SLC27A6: variants seen among roughly 807,000 people sequenced by gnomAD.
The protein encoded by SLC27A6 is long-chain fatty acid transport protein 6.
SLC27A6 carries 74 observed loss-of-function variants against 63.9 expected under a neutral mutation model. That is an observed-to-expected ratio of 1.16 (90% CI 0.96 to 1.40). The LOEUF (loss-of-function observed/expected upper bound fraction) is 1.40, where lower values mean the gene tolerates loss of function less well. Among genes scored for constraint, SLC27A6 ranks in the 40% most tolerant of loss-of-function variants. SLC27A6 has a pLI of 0.00. For synonymous variants in SLC27A6, 287 were observed against 260.8 expected, an observed-to-expected ratio of 1.10 and a Z score of -0.97; for missense variants, 794 against 732.9, an observed-to-expected ratio of 1.08 and a Z score of -0.96.
At chr5:128,977,647 G>A (rs1447241447) in intron 1 of SLC27A6, among the ~76,000 whole-genome samples, 1 of 152,142 alleles carries the variant, frequency 6.6e-6, no homozygotes, top group Non-Finnish European at 1.5e-5. Flanking sequence ...AGCTTGAGTA[G>A]AGTATTTGCC....
intron 4 of SLC27A6, among the ~76,000 whole-genome samples, chr5:129,003,138 A>G (rs1020216130): frequency 2.0e-5 from 3 of 152,102 alleles, no homozygotes; most frequent in African/African-American, 4.8e-5. Context: ...TGCACGAGAG[A>G]GAGAGAGAGC....
At chr5:129,026,186 T>G (rs1752239756) in intron 6 of SLC27A6, among the ~76,000 whole-genome samples, 1 of 152,094 alleles carries the variant, frequency 6.6e-6, no homozygotes, top group African/African-American at 2.4e-5. Flanking sequence ...TTTGCTGGAC[T>G]CCAACTTCAT....
intron 4 of SLC27A6, among the ~76,000 whole-genome samples, chr5:129,003,959 C>A (rs1222324975): frequency 2.8e-5 from 4 of 142,240 alleles, no homozygotes; most frequent in African/African-American, 1.1e-4. Flanking sequence ...CACAGTGAGA[C>A]CCTGTCTCAA....
In SLC27A6 at chr5:129,027,116, G is replaced by A. The variant is rs1326830194; in HGVS notation, c.1256-17G>A. On this transcript the variant is annotated splice_polypyrimidine_tract_variant and intron_variant, in intron 6 of 9. Coordinates refer to ENST00000262462, the MANE Select transcript of SLC27A6 (RefSeq NM_001017372.3). ...GTTTTAATCAGATGGCTGCAAAAAT[G>A]TCGTTCTTTCTTGCAGGAGAACCTG... is the stretch of plus-strand genomic sequence containing the variant. 3 of 1,606,570 alleles carry A rather than the reference G, an allele frequency of 1.9e-6. No individual in the cohort carries two copies. Among genetic ancestry groups the A allele is most frequent in the East Asian group, 2.2e-5 (1 of 44,798 alleles).
intron 1 of SLC27A6, among the ~76,000 whole-genome samples, chr5:128,975,208 G>A (rs1750335555): frequency 6.6e-6 from 1 of 152,140 alleles, no homozygotes; most frequent in Admixed American, 6.6e-5. Context: ...AAAATTAGCC[G>A]AGTGTGGTGG....
rs555649472 is a variant in SLC27A6 at position 129,003,763 on chromosome 5, G to C, written c.970-12122G>C. On this transcript the variant is annotated intron_variant, in intron 4 of 9. Coordinates refer to ENST00000262462, the MANE Select transcript of SLC27A6 (RefSeq NM_001017372.3). ...GGCAGGAGGATTGCTTGAGCCCAGG[G>C]GTTCAAGACCAGCCTATGCAACATA... 1.6e-3 allele frequency among the ~76,000 whole-genome samples: 243 copies of C among 151,452 alleles called. 1 individual carries two copies. The highest frequency in any genetic ancestry group is 4.8e-3 in the South Asian group (23 of 4,790).
chr5:128,985,005 T>C, intron 1 of SLC27A6, 128 bp from the exon 2 acceptor site: 1 of 669,042 alleles, frequency 1.5e-6, no homozygotes, highest in Non-Finnish European at 2.5e-6. Flanking sequence ...ATATTACTTA[T>C]CCAACATAAG....
Position 129,033,097 on chromosome 5 carries a change from G to A in SLC27A6, c.1684-9G>A. The A allele has an allele frequency of 1.9e-6, 3 of 1,595,684 alleles. No homozygotes were observed. The highest frequency in any genetic ancestry group is 2.6e-6 in the Non-Finnish European group (3 of 1,169,204). On this transcript the variant is annotated splice_polypyrimidine_tract_variant and intron_variant, in intron 9 of 9. Transcript: ENST00000262462. Reference sequence around the variant, plus strand: ...AATGATTCTACTCATCCTGGTAATTGCTTTACAGGAAAAAATGGAAGCAAC... The same window carrying A: ...AATGATTCTACTCATCCTGGTAATTACTTTACAGGAAAAAATGGAAGCAAC...
rs376922823 is a variant in SLC27A6, at chr5:128,965,809, G to C, written c.-329G>C. On this transcript the variant is annotated 5_prime_UTR_variant, in exon 1 of 10. Transcript: ENST00000262462. Reference sequence around the variant, plus strand: ...CGGGCCGCTGTCGCGGTTGGGAGGCGAGGGCGCAGCGCTGGGGTTGTAGAT... The same window carrying C: ...CGGGCCGCTGTCGCGGTTGGGAGGCCAGGGCGCAGCGCTGGGGTTGTAGAT... The C allele has an allele frequency of 4.8e-4, 112 of 233,020 alleles. No individual in the cohort carries two copies. The highest frequency in any genetic ancestry group is 2.2e-3 in the African/African-American group (97 of 44,532). The allele number at this position is 233,020 out of a possible 1,614,324, so 14.4% of individuals were successfully genotyped here.
At chr5:128,997,967 A>T (rs543760249) in intron 4 of SLC27A6, among the ~76,000 whole-genome samples, 1 of 152,238 alleles carries the variant, frequency 6.6e-6, no homozygotes, top group South Asian at 2.1e-4. Context: ...AGGAAGCCGA[A>T]TACAAATGGA....
chr5:129,010,669 G>A (rs2150147210), intron 4 of SLC27A6, among the ~76,000 whole-genome samples: 1 of 152,206 alleles, frequency 6.6e-6, no homozygotes, highest in Middle Eastern at 3.4e-3. Flanking sequence ...AGAAAAGAGA[G>A]TCTTAGTCCT....
intron 8 of SLC27A6, among the ~76,000 whole-genome samples, chr5:129,029,331 A>C (rs1401220698): frequency 6.6e-6 from 1 of 152,056 alleles, no homozygotes; most frequent in African/African-American, 2.4e-5. Context: ...AGTGTTTCCC[A>C]TTCCATGTAT....
At chr5:128,994,607 C>T (rs1751091885) in intron 4 of SLC27A6, among the ~76,000 whole-genome samples, 1 of 152,136 alleles carries the variant, frequency 6.6e-6, no homozygotes, top group African/African-American at 2.4e-5. Flanking sequence ...TCCTTACCTT[C>T]AAAGAATTAA....
At chr5:128,975,773 CA>C (rs1424034255) in intron 1 of SLC27A6, among the ~76,000 whole-genome samples, 5 of 152,120 alleles carry the variant, frequency 3.3e-5, no homozygotes, top group African/African-American at 4.8e-5. Flanking sequence ...TGTAAGGAGG[CA>C]TATCCTTTCT....
At position 129,005,699 on chromosome 5, in the gene SLC27A6, G is replaced by A. The variant is rs557238363; in HGVS notation, c.970-10186G>A. On this transcript the variant is annotated intron_variant, in intron 4 of 9. Transcript: ENST00000262462. ...CTGATCTCGGCTCACTGCAAGCTCC[G>A]CCTCCTGGGTTCACGCCATTCTCCT... is the stretch of plus-strand genomic sequence containing the variant. Among the ~76,000 whole-genome samples, 86 of 131,464 alleles carry A rather than the reference G, an allele frequency of 6.5e-4. 1 individual carries two copies. The highest frequency in any genetic ancestry group is 9.4e-4 in the Non-Finnish European group (61 of 65,004). The allele number at this position is 131,464 out of a possible 152,430, so 86.2% of individuals were successfully genotyped here.
At chr5:128,997,943 A>G (rs1751211588) in intron 4 of SLC27A6, among the ~76,000 whole-genome samples, 1 of 152,056 alleles carries the variant, frequency 6.6e-6, no homozygotes, top group Admixed American at 6.6e-5. Flanking sequence ...GATATATGTG[A>G]AAAACTGTAA....
chr5:129,022,269 A>T (rs758467603), intron 5 of SLC27A6, among the ~76,000 whole-genome samples: 1 of 152,186 alleles, frequency 6.6e-6, no homozygotes, highest in Non-Finnish European at 1.5e-5. Context: ...ACATCATAGG[A>T]TGTTTTGATG....
At chr5:129,004,876 A>G (rs1751467022) in intron 4 of SLC27A6, among the ~76,000 whole-genome samples, 1 of 152,126 alleles carries the variant, frequency 6.6e-6, no homozygotes, top group Non-Finnish European at 1.5e-5. Flanking sequence ...CTCTTTGCTG[A>G]TCTTGATGAT....
chr5:128,970,632 A>G (rs1465127570), intron 1 of SLC27A6, among the ~76,000 whole-genome samples: 2 of 151,786 alleles, frequency 1.3e-5, no homozygotes, highest in Non-Finnish European at 2.9e-5. Context: ...TATTGTGTCT[A>G]TTTGACTCTT....
Sources: allele counts gnomAD v4.1 joint callset (sites outside exome capture counted in the v4.1 genomes callset), GRCh38; gene constraint gnomAD v4.1.1; transcripts MANE v1.5; gene names NCBI Gene and HGNC (gene_info 2026-07-23, HGNC 2026-07-21).